Variants in ASTN2 observed in about 807,000 individuals in gnomAD.
The protein encoded by ASTN2 is astrotactin-2.
In ASTN2, 54 loss-of-function variants were observed where a neutral mutation model predicts 139.8. The observed-to-expected ratio is 0.39, with a 90% confidence interval of 0.31 to 0.48. The LOEUF (loss-of-function observed/expected upper bound fraction) is 0.48. Among genes scored for constraint, ASTN2 ranks in the 20% least tolerant of loss-of-function variants. The probability of loss-of-function intolerance (pLI) is 0.95; values close to 1 mark genes in which losing one functional copy is unlikely to be tolerated. For missense variants in ASTN2, 1,565 were observed against 1,725.1 expected (o/e 0.91, Z 1.64); for synonymous variants, 756 against 719.5 (o/e 1.05, Z -0.81).
chr9:116,800,385 A>C (rs1830814030), intron 13 of ASTN2, among the ~76,000 whole-genome samples: 1 of 151,970 alleles, frequency 6.6e-6, no homozygotes, highest in Non-Finnish European at 1.5e-5. Context: ...TTCCATGTGA[A>C]TCTCTTAATG....
intron 17 of ASTN2, among the ~76,000 whole-genome samples, chr9:116,621,506 A>G (rs1300150117): frequency 6.6e-6 from 1 of 151,782 alleles, no homozygotes; most frequent in African/African-American, 2.4e-5. Flanking sequence ...CTGCACTCCA[A>G]TTTACTCTTT....
intron 7 of ASTN2, among the ~76,000 whole-genome samples, chr9:117,006,371 T>C (rs1837353711): frequency 6.6e-6 from 1 of 152,178 alleles, no homozygotes; most frequent in African/African-American, 2.4e-5. Flanking sequence ...TAACTCAATG[T>C]GTCCCATTGT....
chr9:117,168,135 A>G (rs1830711346), intron 3 of ASTN2, among the ~76,000 whole-genome samples: 1 of 152,046 alleles, frequency 6.6e-6, no homozygotes, highest in Admixed American at 6.6e-5. Flanking sequence ...AGATAAGAGG[A>G]TAGTGGGAGG....
intron 1 of ASTN2, among the ~76,000 whole-genome samples, chr9:117,348,507 T>C (rs1401764310): frequency 6.6e-6 from 1 of 152,120 alleles, no homozygotes; most frequent in African/African-American, 2.4e-5. Flanking sequence ...TTAGGAAATG[T>C]TGAGATAAGC....
intron 20 of ASTN2, among the ~76,000 whole-genome samples, chr9:116,485,638 T>C (rs1042585401): frequency 2.0e-5 from 3 of 152,206 alleles, no homozygotes; most frequent in South Asian, 4.1e-4. Flanking sequence ...AGGCCTAAGG[T>C]ACATCTTAAA....
chr9:116,977,153 T>C (rs911151660), intron 7 of ASTN2, among the ~76,000 whole-genome samples: 2 of 152,146 alleles, frequency 1.3e-5, no homozygotes, highest in African/African-American at 4.8e-5. Context: ...TATGATAAAA[T>C]GCATTTACTC....
At chr9:117,263,861 G>C (rs532951185) in intron 2 of ASTN2, among the ~76,000 whole-genome samples, 3 of 152,170 alleles carry the variant, frequency 2.0e-5, no homozygotes, top group Non-Finnish European at 4.4e-5. Flanking sequence ...GGTGGGACAC[G>C]TTTATTGATG....
chr9:117,022,763 C>T (rs1284079973), intron 6 of ASTN2, among the ~76,000 whole-genome samples: 1 of 152,048 alleles, frequency 6.6e-6, no homozygotes, highest in Non-Finnish European at 1.5e-5. Flanking sequence ...GTTGGGGACT[C>T]AGCAGCAGGA....
In ASTN2 at chr9:117,024,747, T is replaced by C. The variant is rs141141796; in HGVS notation, c.1423+15072A>G. ...ATTGAGTTCAATATAAGAAAGCAGCTAAATGGAGTAGAGGGGTGCTATGCT... is the reference window on the plus strand; with the variant it reads ...ATTGAGTTCAATATAAGAAAGCAGCCAAATGGAGTAGAGGGGTGCTATGCT... On this transcript the variant is annotated intron_variant, in intron 6 of 22. Coordinates refer to ENST00000313400, the MANE Select transcript of ASTN2 (RefSeq NM_001365068.1). Among the ~76,000 whole-genome samples, 25 of 152,184 alleles carry C rather than the reference T, an allele frequency of 1.6e-4. No homozygotes were observed. In the East Asian group the frequency reaches 4.5e-3, roughly 27 times the overall value.
intron 5 of ASTN2, among the ~76,000 whole-genome samples, chr9:117,087,294 G>A (rs1049501439): frequency 4.6e-5 from 7 of 151,656 alleles, no homozygotes; most frequent in Non-Finnish European, 8.8e-5. Flanking sequence ...TAGTGCAGAG[G>A]TGCAATCATG....
chr9:116,736,979 G>A (rs1828942303), intron 13 of ASTN2, among the ~76,000 whole-genome samples: 1 of 152,172 alleles, frequency 6.6e-6, no homozygotes, highest in Non-Finnish European at 1.5e-5. Context: ...CCTGGCTCAG[G>A]ACACCCCTTC....
chr9:116,614,941 A>G (rs962396466), intron 19 of ASTN2, among the ~76,000 whole-genome samples: 2 of 152,238 alleles, frequency 1.3e-5, no homozygotes, highest in African/African-American at 4.8e-5. Context: ...CAGGCAACCT[A>G]CAGAATGGGA....
intron 13 of ASTN2, among the ~76,000 whole-genome samples, chr9:116,761,019 T>C (rs1829659741): frequency 6.6e-6 from 1 of 152,170 alleles, no homozygotes; most frequent in South Asian, 2.1e-4. Flanking sequence ...GAGCTGGAAA[T>C]GGGCAGCTCT....
intron 20 of ASTN2, among the ~76,000 whole-genome samples, chr9:116,475,540 G>A (rs1848951047): frequency 6.6e-6 from 1 of 152,216 alleles, no homozygotes; most frequent in South Asian, 2.1e-4. Flanking sequence ...TGGAGTCACA[G>A]TGAACACATC....
rs1289971221 is a variant in ASTN2, at chr9:116,424,137, C to T, written c.*1714G>A. ...TATAACATCTCTTCATACTCATTAC[C>T]CTCCCAGGGAAGGGTACACTGGAAG... On this transcript the variant is annotated 3_prime_UTR_variant, in exon 23 of 23. Coordinates refer to ENST00000313400, the MANE Select transcript of ASTN2 (RefSeq NM_001365068.1). Among the ~76,000 whole-genome samples, 1 of 152,030 alleles carries T rather than the reference C, an allele frequency of 6.6e-6. No individual in the cohort carries two copies.
At chr9:116,492,807 T>C (rs1031275158) in intron 19 of ASTN2, among the ~76,000 whole-genome samples, 1 of 152,156 alleles carries the variant, frequency 6.6e-6, no homozygotes, top group African/African-American at 2.4e-5. Context: ...CTCCAAGAGA[T>C]AGGAGTTTAG....
intron 10 of ASTN2, among the ~76,000 whole-genome samples, chr9:116,879,566 G>A (rs1381958635): frequency 6.6e-6 from 1 of 152,134 alleles, no homozygotes; most frequent in Non-Finnish European, 1.5e-5. Context: ...TAGTTTTCAT[G>A]AGAATTACAT....
At chr9:117,262,929 C>T (rs1373009117) in intron 2 of ASTN2, among the ~76,000 whole-genome samples, 1 of 152,090 alleles carries the variant, frequency 6.6e-6, no homozygotes, top group Non-Finnish European at 1.5e-5. Context: ...TGAGTGGCTT[C>T]CAGAAGCTGG....
intron 19 of ASTN2, among the ~76,000 whole-genome samples, chr9:116,495,848 C>T (rs750557156): frequency 6.6e-6 from 1 of 152,144 alleles, no homozygotes; most frequent in Non-Finnish European, 1.5e-5. Context: ...CGGGGTATCT[C>T]CAGTGTCCTG....
Sources: gnomAD v4.1 joint callset for allele counts (sites outside exome capture counted in the v4.1 genomes callset) on GRCh38, gnomAD v4.1.1 for gene constraint, MANE v1.5 for transcripts, NCBI Gene and HGNC (gene_info 2026-07-23, HGNC 2026-07-21) for gene names.